Variants in CMSS1 observed in about 807,000 individuals in gnomAD.
CMSS1 encodes protein CMSS1.
Under a neutral mutation model 43.5 loss-of-function variants are expected in CMSS1, and 33 were observed. The observed-to-expected ratio is 0.76, with a 90% confidence interval of 0.57 to 1.01. CMSS1 has a LOEUF of 1.01. CMSS1 is among the 50% of genes least tolerant of loss of function. The pLI, the probability that CMSS1 is intolerant of heterozygous loss-of-function variation, is 0.00. For missense variants in CMSS1, 313 were observed against 326.4 expected (o/e 0.96, Z 0.32); for synonymous variants, 115 against 117.2 (o/e 0.98, Z 0.12).
intron 1 of CMSS1, among the ~76,000 whole-genome samples, chr3:100,102,197 C>T (rs1011080180): frequency 4.3e-4 from 65 of 152,288 alleles, no homozygotes; most frequent in African/African-American, 1.5e-3. Flanking sequence ...AATCACCACA[C>T]CGACTTCCAC....
In CMSS1 at chr3:99,818,056, T is replaced by C; in HGVS notation, c.64+13T>C. 6.2e-7 allele frequency: 1 copy of C among 1,612,820 alleles called. No individual in the cohort carries two copies. The highest frequency in any genetic ancestry group is 8.5e-7 in the Non-Finnish European group (1 of 1,179,492). On this transcript the variant is annotated intron_variant, in intron 1 of 9. Transcript: ENST00000421999. Reference sequence around the variant, plus strand: ...GGCAGCAGCCCAGGTACCCACTCTGTGCCCGCGCTCCTACGGGGCCTCTCC... The same window carrying C: ...GGCAGCAGCCCAGGTACCCACTCTGCGCCCGCGCTCCTACGGGGCCTCTCC...
At chr3:100,052,783 A>G (rs982434884) in intron 1 of CMSS1, among the ~76,000 whole-genome samples, 8 of 152,234 alleles carry the variant, frequency 5.3e-5, no homozygotes, top group African/African-American at 9.6e-5. Flanking sequence ...TATACTGTAT[A>G]AGGTAAACTT....
At chr3:100,153,965 C>T (rs1330817319) in intron 2 of CMSS1, among the ~76,000 whole-genome samples, 1 of 152,046 alleles carries the variant, frequency 6.6e-6, no homozygotes, top group East Asian at 1.9e-4. Context: ...ATTCTCCCAC[C>T]TCAGCCACCT....
intron 1 of CMSS1, among the ~76,000 whole-genome samples, chr3:99,965,746 TA>T (rs956975058): frequency 1.3e-5 from 2 of 152,184 alleles, no homozygotes; most frequent in African/African-American, 2.4e-5. Context: ...AGTTTTAGGT[TA>T]AATGAAGGTT....
chr3:99,985,553 C>A (rs1357470761), intron 1 of CMSS1, among the ~76,000 whole-genome samples: 3 of 151,960 alleles, frequency 2.0e-5, no homozygotes, highest in Non-Finnish European at 4.4e-5. Flanking sequence ...TCTGATATTT[C>A]TCTTCAATCT....
At chr3:100,139,529 A>ATGTG (rs201315535) in intron 1 of CMSS1, among the ~76,000 whole-genome samples, 2,940 of 129,302 alleles carry the variant, frequency 0.023, 40 homozygotes, top group African/African-American at 0.033. Flanking sequence ...TAAAAAAAAA[A>ATGTG]TGTGTGTGTG....
intron 1 of CMSS1, among the ~76,000 whole-genome samples, chr3:100,071,950 G>A (rs925875568): frequency 3.9e-5 from 6 of 152,062 alleles, no homozygotes; most frequent in Admixed American, 1.3e-4. Flanking sequence ...TGTCTTGATC[G>A]GCAGACTGAA....
In CMSS1 at chr3:100,178,336, T is replaced by G; in HGVS notation, c.788T>G (p.Met263Arg). ...IRKEVFELLEMGVLSLCKSES... is the reference protein window; with the variant it reads ...IRKEVFELLERGVLSLCKSES... Reference sequence around the variant, plus strand: ...AAGGAGGTATTCGAACTTCTGGAAATGGGAGTGCTCAGTCTGTGCAAGTCA... The same window carrying G: ...AAGGAGGTATTCGAACTTCTGGAAAGGGGAGTGCTCAGTCTGTGCAAGTCA... Residue 263 changes from methionine to arginine, a missense_variant, in exon 10 of 10, where the codon ATG becomes AGG. Coordinates refer to ENST00000421999, the MANE Select transcript of CMSS1 (RefSeq NM_032359.4). 1.9e-6 allele frequency: 3 copies of G among 1,613,318 alleles called. No homozygotes were observed. The South Asian group carries it at 3.3e-5, about 18-fold the overall frequency.
intron 1 of CMSS1, among the ~76,000 whole-genome samples, chr3:99,883,588 CAA>C (rs1268808858): frequency 6.6e-6 from 1 of 152,144 alleles, no homozygotes; most frequent in Non-Finnish European, 1.5e-5. Context: ...ACTGTTGAGT[CAA>C]AGAGCTTACT....
chr3:99,856,811 A>G (rs1943988106), intron 1 of CMSS1, among the ~76,000 whole-genome samples: 1 of 152,162 alleles, frequency 6.6e-6, no homozygotes, highest in South Asian at 2.1e-4. Context: ...ATGTGTGCCT[A>G]TATTTTATCT....
intron 4 of CMSS1, 102 bp from the exon 5 acceptor site, chr3:100,166,233 T>C (rs2067064571): frequency 1.4e-6 from 1 of 734,122 alleles, no homozygotes; most frequent in Admixed American, 2.4e-5. Context: ...AATTCACTAA[T>C]ATTTTACAAC....
At chr3:100,117,852 T>TACAC (rs1553715634) in intron 1 of CMSS1, among the ~76,000 whole-genome samples, 1 of 90,516 alleles carries the variant, frequency 1.1e-5, no homozygotes, top group Non-Finnish European at 2.2e-5. Flanking sequence ...TATATATATA[T>TACAC]ACATATATAT....
intron 1 of CMSS1, among the ~76,000 whole-genome samples, chr3:99,864,949 T>A (rs1200378064): frequency 6.6e-6 from 1 of 152,206 alleles, no homozygotes; most frequent in Non-Finnish European, 1.5e-5. Context: ...TAGTCAATCA[T>A]TGGTCTATTT....
intron 1 of CMSS1, among the ~76,000 whole-genome samples, chr3:100,083,634 T>C (rs947812952): frequency 6.6e-6 from 1 of 152,264 alleles, no homozygotes; most frequent in African/African-American, 2.4e-5. Flanking sequence ...GTTTGAAATA[T>C]GAGGCCTACA....
At chr3:99,927,251 C>T (rs1045199358) in intron 1 of CMSS1, among the ~76,000 whole-genome samples, 3 of 152,142 alleles carry the variant, frequency 2.0e-5, no homozygotes, top group African/African-American at 7.2e-5. Flanking sequence ...AATTTAAAAG[C>T]TTAATTATAC....
chr3:100,016,134 T>C (rs1255977055), intron 1 of CMSS1, among the ~76,000 whole-genome samples: 1 of 152,212 alleles, frequency 6.6e-6, no homozygotes, highest in Non-Finnish European at 1.5e-5. Flanking sequence ...GAGGTCTCTT[T>C]ATCACTCTCC....
intron 1 of CMSS1, chr3:100,023,185 C>T (rs1256651083): frequency 6.6e-6 from 1 of 151,910 alleles, no homozygotes; most frequent in Non-Finnish European, 1.5e-5. Flanking sequence ...TGTAGATGGA[C>T]GTTGTGTGTA....
Position 100,062,093 on chromosome 3 carries a change from C to CTTTTTTTTTTTTTTTTTT in CMSS1, c.65-84861_65-84844dup, listed in dbSNP as rs71907944. Among the ~76,000 whole-genome samples the CTTTTTTTTTTTTTTTTTT allele has an allele frequency of 5.6e-4, 30 of 53,180 alleles. 8 individuals carry two copies. Among genetic ancestry groups the CTTTTTTTTTTTTTTTTTT allele is most frequent in the African/African-American group, 1.4e-3 (16 of 11,244 alleles). The allele number at this position is 53,180 out of a possible 152,430, so 34.9% of individuals were successfully genotyped here. A position where few individuals can be genotyped will look rare whatever the true frequency, so the allele number is the denominator to read the frequency against. On this transcript the variant is annotated intron_variant, in intron 1 of 9. Transcript: ENST00000421999. ...CCACTTGTGGTTATCCTGTCTTCTT[C>CTTTTTTTTTTTTTTTTTT]TTTTTTTTTTTTTTTTTTTTTTTTT...
intron 2 of CMSS1, among the ~76,000 whole-genome samples, chr3:100,156,904 C>G (rs996860311): frequency 2.6e-5 from 4 of 152,158 alleles, no homozygotes; most frequent in African/African-American, 9.7e-5. Context: ...TGTGAGCCAC[C>G]ACGCCTGGCT....
Sources: allele counts gnomAD v4.1 joint callset (sites outside exome capture counted in the v4.1 genomes callset), GRCh38; gene constraint gnomAD v4.1.1; transcripts MANE v1.5; gene names NCBI Gene and HGNC (gene_info 2026-07-23, HGNC 2026-07-21).